Variants in ELAVL4 observed in about 807,000 individuals in gnomAD.
ELAVL4 encodes ELAV-like protein 4.
A neutral mutation model predicts 35.6 loss-of-function variants in ELAVL4; 1 was observed. That is an observed-to-expected ratio of 0.03 (90% CI 0.01 to 0.13). The LOEUF (loss-of-function observed/expected upper bound fraction) is 0.13. Among genes scored for constraint, ELAVL4 ranks in the 10% least tolerant of loss-of-function variants. The pLI is 1.00. For synonymous variants in ELAVL4, 156 were observed against 171.0 expected, an observed-to-expected ratio of 0.91 and a Z score of 0.69; for missense variants, 267 against 464.9, an observed-to-expected ratio of 0.57 and a Z score of 3.91.
chr1:50,171,015 A>C (rs2148804825), intron 2 of ELAVL4, among the ~76,000 whole-genome samples: 1 of 152,288 alleles, frequency 6.6e-6, no homozygotes, highest in African/African-American at 2.4e-5. Context: ...CTTGCGCAAA[A>C]GAATGAGACA....
Position 50,160,674 on chromosome 1 carries a change from C to T in ELAVL4, c.250+15477C>T, listed in dbSNP as rs543648984. On this transcript the variant is annotated intron_variant, in intron 2 of 6. Coordinates refer to ENST00000371824, the MANE Select transcript of ELAVL4 (RefSeq NM_001144774.3). ...GAGGTTTTCAAAGTCCTTCAGCTAA[C>T]ATTTGGCATCCTGACTTATCTCTGT... Among the ~76,000 whole-genome samples the T allele has an allele frequency of 5.6e-4, 86 of 152,318 alleles. 1 individual carries two copies. Among genetic ancestry groups the T allele is most frequent in the African/African-American group, 1.9e-3 (79 of 41,578 alleles).
chr1:50,081,855 G>A (rs542589611), intron 1 of ELAVL4, among the ~76,000 whole-genome samples: 2 of 151,992 alleles, frequency 1.3e-5, no homozygotes, highest in Admixed American at 6.6e-5. Context: ...ACAGGCCCTG[G>A]TGTGTGATGT....
chr1:50,065,406 G>A (rs1215981926), intron 1 of ELAVL4, among the ~76,000 whole-genome samples: 2 of 152,132 alleles, frequency 1.3e-5, no homozygotes, highest in Non-Finnish European at 2.9e-5. Context: ...TGCCAGATTT[G>A]AATTTCGGTC....
intron 2 of ELAVL4, among the ~76,000 whole-genome samples, chr1:50,159,099 G>A (rs1342513486): frequency 6.6e-6 from 1 of 151,606 alleles, no homozygotes; most frequent in African/African-American, 2.4e-5. Flanking sequence ...TCAACTGGCA[G>A]GATTGTTATT....
intron 2 of ELAVL4, among the ~76,000 whole-genome samples, chr1:50,150,609 G>A (rs1674614410): frequency 6.6e-6 from 1 of 152,306 alleles, no homozygotes; most frequent in Admixed American, 6.5e-5. Flanking sequence ...AGTCTATTGG[G>A]TTGAAGAGGA....
intron 2 of ELAVL4, among the ~76,000 whole-genome samples, chr1:50,165,017 T>C (rs2148775633): frequency 6.6e-6 from 1 of 152,326 alleles, no homozygotes; most frequent in Non-Finnish European, 1.5e-5. Flanking sequence ...CAGACAGTTT[T>C]CAAAGGATGT....
At chr1:50,173,791 T>C (rs539770651) in intron 2 of ELAVL4, among the ~76,000 whole-genome samples, 39 of 152,312 alleles carry the variant, frequency 2.6e-4, no homozygotes, top group Non-Finnish European at 4.4e-4. Context: ...ATCCCTATGT[T>C]CTCAAATCTT....
chr1:50,131,650 C>T (rs886270300), intron 1 of ELAVL4, among the ~76,000 whole-genome samples: 2 of 151,866 alleles, frequency 1.3e-5, no homozygotes, highest in Admixed American at 1.3e-4. Flanking sequence ...ATTAGCTGGG[C>T]TTGGTGGCGC....
At chr1:50,089,999 C>T (rs1665419416) in intron 1 of ELAVL4, among the ~76,000 whole-genome samples, 1 of 152,022 alleles carries the variant, frequency 6.6e-6, no homozygotes, top group Non-Finnish European at 1.5e-5. Context: ...CATTTGAGGT[C>T]CCAACATGTA....
rs746485385 is a variant in ELAVL4 at position 50,144,803 on chromosome 1, A to C, written c.10-154A>C. ...GGAGTTTAACATTTTGGTTAAAAAC[A>C]TGCTTCTAAATTGGCTGTGTTCACA... is the stretch of plus-strand genomic sequence containing the variant. On this transcript the variant is annotated intron_variant, in intron 1 of 6. Coordinates refer to ENST00000371824, the MANE Select transcript of ELAVL4 (RefSeq NM_001144774.3). The C allele has an allele frequency of 2.6e-6, 3 of 1,160,576 alleles. No homozygotes were observed. In the East Asian group the frequency reaches 7.0e-5, roughly 27 times the overall value. 71.9% of individuals were successfully genotyped at this position (1,160,576 alleles called of 1,614,324 possible). A position where few individuals can be genotyped will look rare whatever the true frequency, so the allele number is the denominator to read the frequency against.
intron 2 of ELAVL4, among the ~76,000 whole-genome samples, chr1:50,149,409 AAAAAG>A (rs1463584465): frequency 6.6e-6 from 1 of 152,026 alleles, no homozygotes; most frequent in Non-Finnish European, 1.5e-5. Context: ...AAGAAAAAGA[AAAAAG>A]AAATCAGTGT....
At chr1:50,085,754 T>C (rs1665211755) in intron 1 of ELAVL4, among the ~76,000 whole-genome samples, 2 of 152,350 alleles carry the variant, frequency 1.3e-5, no homozygotes, top group South Asian at 2.1e-4. Flanking sequence ...AAATTCATCA[T>C]ATTTAATGCA....
intron 1 of ELAVL4, among the ~76,000 whole-genome samples, chr1:50,113,322 A>C (rs1667396766): frequency 6.6e-6 from 1 of 151,568 alleles, no homozygotes; most frequent in Admixed American, 6.6e-5. Flanking sequence ...CCATGAGGAG[A>C]TATGCTGCTT....
chr1:50,201,346 C>A lies in ELAVL4; in HGVS notation c.*168C>A. The A allele has an allele frequency of 2.9e-6, 2 of 699,608 alleles. No homozygotes were observed. Among genetic ancestry groups the A allele is most frequent in the Non-Finnish European group, 4.1e-6 (2 of 492,732 alleles). The allele number at this position is 699,608 out of a possible 1,614,324, so 43.3% of individuals were successfully genotyped here. ...CCTAAGTATTAAAACATTGGATTAT[C>A]CTGAGGTGTACCAGGAAAGGATTTT... is the stretch of plus-strand genomic sequence containing the variant. On this transcript the variant is annotated 3_prime_UTR_variant, in exon 7 of 7. Transcript: ENST00000371824. The surrounding 1 kb of genome is among the most constrained non-coding windows in gnomAD (Gnocchi z 4.3).
At chr1:50,104,306 C>T (rs375762202), upstream of ELAVL4, among the ~76,000 whole-genome samples, 3 of 152,268 alleles carry the variant, frequency 2.0e-5, no homozygotes, top group South Asian at 6.2e-4. Context: ...ATTTTATTTA[C>T]TAGGCTGATT....
chr1:50,088,482 A>G (rs1218319171), intron 1 of ELAVL4, among the ~76,000 whole-genome samples: 2 of 152,206 alleles, frequency 1.3e-5, no homozygotes, highest in Non-Finnish European at 2.9e-5. Context: ...AACAAAACTC[A>G]GAGGCTCTCA....
intron 1 of ELAVL4, among the ~76,000 whole-genome samples, chr1:50,110,440 G>A (rs962288241): frequency 2.4e-4 from 36 of 152,166 alleles, no homozygotes; most frequent in East Asian, 3.9e-4. Flanking sequence ...CAGGACTTTC[G>A]GATGTGGAAG....
chr1:50,109,015 T>TCCTTCC lies in ELAVL4; in HGVS notation c.-173_-172insTTCCCC. The TCCTTCC allele has an allele frequency of 1.0e-6, 1 of 961,076 alleles. No individual in the cohort carries two copies. The highest frequency in any genetic ancestry group is 4.7e-5 in the South Asian group (1 of 21,226). 59.5% of individuals were successfully genotyped at this position (961,076 alleles called of 1,614,324 possible). ...GCTCCTTTTCTTTTTTTTCTTTCTCTCCCCCGCCCACCCCCCCAAAAATAA... is the reference window on the plus strand; with the variant it reads ...GCTCCTTTTCTTTTTTTTCTTTCTCTCCTTCCCCCCCGCCCACCCCCCCAAAAATAA... On this transcript the variant is annotated 5_prime_UTR_variant, in exon 1 of 7. Coordinates refer to ENST00000371824, the MANE Select transcript of ELAVL4 (RefSeq NM_001144774.3).
chr1:50,093,755 CCGT>C (rs1665594907), intron 1 of ELAVL4, among the ~76,000 whole-genome samples: 1 of 152,088 alleles, frequency 6.6e-6, no homozygotes, highest in Non-Finnish European at 1.5e-5. Flanking sequence ...CTTCAGGGAC[CCGT>C]AAGTATGAAC....
Sources: allele counts gnomAD v4.1 joint callset (sites outside exome capture counted in the v4.1 genomes callset), GRCh38; gene constraint gnomAD v4.1.1; non-coding constraint Gnocchi (gnomAD v3.1); transcripts MANE v1.5; gene names NCBI Gene and HGNC (gene_info 2026-07-23, HGNC 2026-07-21).